GATAD2A: variants seen among roughly 807,000 people sequenced by gnomAD.
The protein encoded by GATAD2A is GATA zinc finger domain containing 2A.
Under a neutral mutation model 68.5 loss-of-function variants are expected in GATAD2A, and 12 were observed. The observed-to-expected ratio is 0.18, with a 90% CI of 0.11 to 0.28. The LOEUF is 0.28. Among genes scored for constraint, GATAD2A ranks in the 10% least tolerant of loss-of-function variants. GATAD2A has a pLI of 1.00. For missense variants in GATAD2A, 755 were observed against 868.5 expected (o/e 0.87, Z 1.64); for synonymous variants, 410 against 375.3 (o/e 1.09, Z -1.07).
intron 2 of GATAD2A, among the ~76,000 whole-genome samples, chr19:19,491,805 C>G (rs2059808191): frequency 6.6e-6 from 1 of 152,200 alleles, no homozygotes; most frequent in Admixed American, 6.5e-5. Flanking sequence ...AGAAGAAAAT[C>G]TGGTTCACGC....
intron 2 of GATAD2A, among the ~76,000 whole-genome samples, chr19:19,491,105 T>C (rs1046074076): frequency 1.3e-5 from 2 of 152,114 alleles, no homozygotes; most frequent in African/African-American, 4.8e-5. Context: ...ATCAGACTAG[T>C]GTGTTCCTGC....
chr19:19,399,245 C>CT (rs79556962), intron 1 of GATAD2A, among the ~76,000 whole-genome samples: 205 of 145,464 alleles, frequency 1.4e-3, no homozygotes, highest in Middle Eastern at 3.5e-3. Flanking sequence ...CAAAAACCTA[C>CT]TTTTTTTTTT....
chr19:19,447,330 G>A (rs907522571), intron 1 of GATAD2A, among the ~76,000 whole-genome samples: 1 of 152,162 alleles, frequency 6.6e-6, no homozygotes, highest in African/African-American at 2.4e-5. Flanking sequence ...GACGGGCACA[G>A]GGGTGGCTGG....
intron 1 of GATAD2A, among the ~76,000 whole-genome samples, chr19:19,424,221 G>A (rs1248491631): frequency 2.0e-5 from 3 of 151,718 alleles, no homozygotes; most frequent in African/African-American, 4.9e-5. Context: ...ACTGCATGTG[G>A]CTTTGTAAGT....
intron 5 of GATAD2A, among the ~76,000 whole-genome samples, chr19:19,495,345 G>T (rs1308632811): frequency 6.6e-6 from 1 of 151,542 alleles, no homozygotes; most frequent in East Asian, 1.9e-4. Flanking sequence ...GTCTTGCTCT[G>T]TCGCCCAGGC....
At chr19:19,460,005 C>T (rs917964619) in intron 1 of GATAD2A, among the ~76,000 whole-genome samples, 8 of 152,206 alleles carry the variant, frequency 5.3e-5, no homozygotes, top group Admixed American at 5.2e-4. Context: ...GGAAGTGGCT[C>T]GGGCCACAGT....
In GATAD2A at chr19:19,436,173, T is replaced by C. The variant is rs751825981; in HGVS notation, c.-6-29167T>C. The C allele has an allele frequency of 2.9e-6, 4 of 1,366,474 alleles. No individual in the cohort carries two copies. In the East Asian group the frequency reaches 1.4e-4, roughly 47 times the overall value. The allele number at this position is 1,366,474 out of a possible 1,614,324, so 84.6% of individuals were successfully genotyped here. A position where few individuals can be genotyped will look rare whatever the true frequency, so the allele number is the denominator to read the frequency against. On this transcript the variant is annotated intron_variant, in intron 1 of 11. Coordinates refer to ENST00000683918, the MANE Select transcript of GATAD2A (RefSeq NM_001384528.1). Reference sequence around the variant, plus strand: ...CTCAAGTAGCCTTTTGATGTCACTGTGGCCATGGCCAACTGGTAGGACCAG... The same window carrying C: ...CTCAAGTAGCCTTTTGATGTCACTGCGGCCATGGCCAACTGGTAGGACCAG...
chr19:19,456,388 C>T (rs1029647534), intron 1 of GATAD2A, among the ~76,000 whole-genome samples: 2 of 152,080 alleles, frequency 1.3e-5, no homozygotes, highest in African/African-American at 2.4e-5. Context: ...CCCATGCTCA[C>T]GGCAAGCAGT....
Position 19,502,484 on chromosome 19 carries a change from G to A in GATAD2A, c.1732G>A (p.Gly578Ser). ...HSERTVSAGK[G>S]SATSNWKKTP... ...TGAGAGAACCGTGAGCGCCGGCAAG[G>A]GCAGCGCCACCTCCAACTGGAAGAA... is the stretch of plus-strand genomic sequence containing the variant. The change falls in exon 11 of 12, where the codon GGC becomes AGC. Residue 578 changes from glycine (G) to serine (S), a missense_variant. Transcript: ENST00000683918. 1 of 1,613,356 alleles carries A rather than the reference G, an allele frequency of 6.2e-7. No individual in the cohort carries two copies. Among genetic ancestry groups the A allele is most frequent in the Non-Finnish European group, 8.5e-7 (1 of 1,179,946 alleles).
intron 1 of GATAD2A, among the ~76,000 whole-genome samples, chr19:19,397,639 G>A (rs1382128203): frequency 6.6e-6 from 1 of 152,232 alleles, no homozygotes; most frequent in East Asian, 1.9e-4. Context: ...CTCCAAAGGA[G>A]CTTCAAGAGA....
rs545545919 is a variant in GATAD2A at position 19,396,051 on chromosome 19, T to C, written c.-7+9913T>C. On this transcript the variant is annotated intron_variant, in intron 1 of 11. Coordinates refer to the GATAD2A transcript ENST00000360315. ...AATCATATTTAGGAGCCGGGCACGG[T>C]GGCTCACACCTGTAAACCCAGCACT... 3.9e-5 allele frequency among the ~76,000 whole-genome samples: 6 copies of C among 152,262 alleles called. No homozygotes were observed. In the South Asian group the frequency reaches 1.2e-3, roughly 32 times the overall value.
At chr19:19,459,786 G>T (rs2057263780) in intron 1 of GATAD2A, among the ~76,000 whole-genome samples, 1 of 152,252 alleles carries the variant, frequency 6.6e-6, no homozygotes, top group South Asian at 2.1e-4. Context: ...CAGCGTGTGT[G>T]TGATGGAGCT....
intron 2 of GATAD2A, among the ~76,000 whole-genome samples, chr19:19,469,449 G>T (rs1488515345): frequency 2.3e-5 from 3 of 130,158 alleles, no homozygotes; most frequent in Non-Finnish European, 5.0e-5. Flanking sequence ...AAGAAAAAAA[G>T]ATCATCAGAA....
At chr19:19,400,694 T>C (rs2049645209), upstream of GATAD2A, among the ~76,000 whole-genome samples, 1 of 152,178 alleles carries the variant, frequency 6.6e-6, no homozygotes, top group South Asian at 2.1e-4. Context: ...TTTTCTTTTC[T>C]TTTCCTTTCC....
rs530080835 is a variant in GATAD2A at position 19,479,656 on chromosome 19, A to C, written c.270-12650A>C. Among the ~76,000 whole-genome samples the C allele has an allele frequency of 2.0e-5, 3 of 152,290 alleles. No homozygotes were observed. The South Asian group carries it at 6.2e-4, about 32-fold the overall frequency. ...TGGGGGAGGAAGACCACAGAGGGTG[A>C]AGTGCTCTTCTCGTCACATCATATC... On this transcript the variant is annotated intron_variant, in intron 2 of 11. Coordinates refer to ENST00000683918, the MANE Select transcript of GATAD2A (RefSeq NM_001384528.1).
intron 1 of GATAD2A, among the ~76,000 whole-genome samples, chr19:19,421,303 A>G (rs1039459912): frequency 1.3e-5 from 2 of 152,178 alleles, no homozygotes; most frequent in African/African-American, 2.4e-5. Context: ...AGGCTGGCCC[A>G]GTGAAAGCCA....
chr19:19,473,704 G>A (rs1414187059), intron 2 of GATAD2A, among the ~76,000 whole-genome samples: 1 of 151,592 alleles, frequency 6.6e-6, no homozygotes, highest in Non-Finnish European at 1.5e-5. Flanking sequence ...TTGGGAGGCC[G>A]AGGCGGGCAG....
intron 1 of GATAD2A, among the ~76,000 whole-genome samples, chr19:19,457,571 T>C (rs1442169110): frequency 6.6e-6 from 1 of 151,930 alleles, no homozygotes; most frequent in Non-Finnish European, 1.5e-5. Context: ...AAACCCTGTC[T>C]CTACTAAAAA....
At chr19:19,494,514 G>C (rs2060015166) in intron 5 of GATAD2A, 131 bp downstream of exon 5, 1 of 599,356 alleles carries the variant, frequency 1.7e-6, no homozygotes, top group African/African-American at 1.9e-5. Flanking sequence ...GAGTAGGCTG[G>C]AGTGAGGCCC....
Sources: gnomAD v4.1 joint callset for allele counts (sites outside exome capture counted in the v4.1 genomes callset) on GRCh38, gnomAD v4.1.1 for gene constraint, MANE v1.5 for transcripts, NCBI Gene and HGNC (gene_info 2026-07-23, HGNC 2026-07-21) for gene names.